Variants in DSC3 observed in about 807,000 individuals in gnomAD.
DSC3 encodes desmocollin 3.
A neutral mutation model predicts 89.5 loss-of-function variants in DSC3; 97 were observed. The observed-to-expected ratio is 1.08, with a 90% CI of 0.92 to 1.28. DSC3 has a LOEUF of 1.28. Ranked by LOEUF, DSC3 falls within the 50% of genes most tolerant of loss-of-function variation. The pLI, the probability that DSC3 is intolerant of heterozygous loss-of-function variation, is 0.00. For missense variants in DSC3, 1,199 were observed against 1,085.3 expected (o/e 1.10, Z -1.47); for synonymous variants, 436 against 384.1 (o/e 1.14, Z -1.58).
At chr18:31,030,335 T>A (rs1302987757) in intron 3 of DSC3, among the ~76,000 whole-genome samples, 1 of 152,204 alleles carries the variant, frequency 6.6e-6, no homozygotes, top group Non-Finnish European at 1.5e-5. Flanking sequence ...TAATTAATAA[T>A]TGCATTAAAC....
chr18:31,003,215 C>T (rs1984725266), intron 13 of DSC3, among the ~76,000 whole-genome samples: 1 of 152,192 alleles, frequency 6.6e-6, no homozygotes, highest in African/African-American at 2.4e-5. Flanking sequence ...TCCTCACCAA[C>T]ACACTCCACA....
chr18:31,024,403 G>T lies in DSC3; in HGVS notation c.721C>A (p.Pro241Thr). The T allele has an allele frequency of 1.2e-6, 2 of 1,609,776 alleles. No individual in the cohort carries two copies. The highest frequency in any genetic ancestry group is 1.7e-6 in the Non-Finnish European group (2 of 1,177,088). ...TTATAAATTGCTTCTGTGAAAACAG[G>T]GTGGTTGTCATTTTCATCCTCTACC... is the stretch of plus-strand genomic sequence containing the variant. ...IRVEDENDNH[P>T]VFTEAIYNFE... Residue 241 changes from proline (P) to threonine (T), a missense_variant, in exon 6 of 16, where the codon CCT (proline) becomes ACT (threonine). Physicochemically the swap from Pro to Thr is conservative, Grantham distance 38. Transcript: ENST00000360428.
chr18:31,002,960 C>T (rs951368570), intron 13 of DSC3, among the ~76,000 whole-genome samples: 3 of 152,110 alleles, frequency 2.0e-5, no homozygotes, highest in Non-Finnish European at 4.4e-5. Context: ...CCCACACTAC[C>T]TTTCTGGCTC....
chr18:31,007,428 T>G (rs1009533982), intron 11 of DSC3, among the ~76,000 whole-genome samples: 1 of 152,158 alleles, frequency 6.6e-6, no homozygotes, highest in Non-Finnish European at 1.5e-5. Context: ...AGGTGCCACA[T>G]GTTAGTAAGC....
rs765715290 is a variant in DSC3, at chr18:31,031,101, C to A, written c.226G>T (p.Asp76Tyr). 11 of 1,613,794 alleles carry A rather than the reference C, an allele frequency of 6.8e-6. No homozygotes were observed. The highest frequency in any genetic ancestry group is 1.6e-4 in the Middle Eastern group (1 of 6,062). The change falls in exon 3 of 16, where the codon GAT becomes TAT. Residue 76 changes from aspartate (D) to tyrosine (Y), a missense_variant. Physicochemically the swap from Asp to Tyr is radical, Grantham distance 160. Coordinates refer to ENST00000360428, the MANE Select transcript of DSC3 (RefSeq NM_001941.5). ...GCCCTGGCTGTGTACACTGACCCAT[C>A]ATTTAGAACTCTGAAATCAGGATCA... ...SSDPDFRVLN[D>Y]GSVYTARAVA...
chr18:30,998,448 T>C (rs902425995), intron 14 of DSC3, among the ~76,000 whole-genome samples: 1 of 152,040 alleles, frequency 6.6e-6, no homozygotes, highest in African/African-American at 2.4e-5. Flanking sequence ...ATTAGAAACA[T>C]GTGGGATGTC....
At position 31,018,258 on chromosome 18, in the gene DSC3, T is replaced by A; in HGVS notation, c.1078-2A>T. On this transcript the variant is annotated splice_acceptor_variant, in intron 8 of 15. Coordinates refer to ENST00000360428, the MANE Select transcript of DSC3 (RefSeq NM_001941.5). LOFTEE classifies it high-confidence loss of function. The stretch of plus-strand genomic sequence containing the variant: ...ATTTTCCTCTACAAATGCTTCATAC[T>A]GAAACAGAAAGAAGTCATTGAAAAT... The A allele has an allele frequency of 3.1e-6, 5 of 1,605,840 alleles. No individual in the cohort carries two copies. The highest frequency in any genetic ancestry group is 4.2e-6 in the Non-Finnish European group (5 of 1,176,746).
intron 7 of DSC3, 148 bp downstream of exon 7, chr18:31,022,188 A>G: frequency 3.0e-6 from 3 of 983,878 alleles, no homozygotes; most frequent in South Asian, 1.8e-5. Flanking sequence ...GAAATAATAT[A>G]AAAAACAGAA....
chr18:31,004,515 T>C, intron 12 of DSC3, 149 bp from the exon 13 acceptor site: 1 of 692,680 alleles, frequency 1.4e-6, no homozygotes, highest in South Asian at 1.9e-5. Context: ...TCTTCAACCC[T>C]TTCAAACTCT....
Position 31,006,936 on chromosome 18 carries a change from C to T in DSC3, c.1859G>A (p.Ser620Asn). The T allele has an allele frequency of 2.5e-6, 4 of 1,613,682 alleles. No homozygotes were observed. Among genetic ancestry groups the T allele is most frequent in the African/African-American group, 1.3e-5 (1 of 75,006 alleles). Residue 620 changes from serine (S) to asparagine (N), a missense_variant, in exon 12 of 16, where the codon AGT becomes AAT. Physicochemically the swap from Ser to Asn is conservative, Grantham distance 46 (BLOSUM62 1). Coordinates refer to ENST00000360428, the MANE Select transcript of DSC3 (RefSeq NM_001941.5). ...AACTTTGGTGAGGCTCCACAGTCTA[C>T]TGATTTCTGGAGAAGTATTGGGCAA... ...FSLPNTSPEI[S>N]RLWSLTKVND...
At chr18:30,999,856 T>G (rs2144677914) in intron 14 of DSC3, among the ~76,000 whole-genome samples, 1 of 152,290 alleles carries the variant, frequency 6.6e-6, no homozygotes, top group South Asian at 2.1e-4. Context: ...TTGTATAAAT[T>G]AATAATTCCA....
chr18:30,997,025 G>T lies in DSC3; in HGVS notation c.2259C>A (p.Thr753=). The T allele has an allele frequency of 6.2e-7, 1 of 1,614,008 alleles. No individual in the cohort carries two copies. Among genetic ancestry groups the T allele is most frequent in the Non-Finnish European group, 8.5e-7 (1 of 1,179,986 alleles). ...DRVCSANGFM[T]QTTNNSSQGF... Reference sequence around the variant, plus strand: ...CTTGGCTAGAGTTGTTGGTAGTTTGGGTCATAAATCCATTGGCAGAGCACT... The same window carrying T: ...CTTGGCTAGAGTTGTTGGTAGTTTGTGTCATAAATCCATTGGCAGAGCACT... Residue 753 remains threonine (T), a synonymous_variant, in exon 15 of 16, where the codon ACC becomes ACA. Transcript: ENST00000360428.
intron 7 of DSC3, among the ~76,000 whole-genome samples, chr18:31,019,034 A>G (rs113168323): frequency 2.0e-5 from 3 of 152,252 alleles, no homozygotes; most frequent in Non-Finnish European, 4.4e-5. Flanking sequence ...GCTTTAAGTA[A>G]CAGGTAATAG....
Position 31,042,719 on chromosome 18 carries a change from C to T in DSC3, c.-59G>A, listed in dbSNP as rs1986178917. On this transcript the variant is annotated 5_prime_UTR_variant, in exon 1 of 16. Coordinates refer to ENST00000360428, the MANE Select transcript of DSC3 (RefSeq NM_001941.5). ...GCCGGGAGGGTGCCGAGAGCGAGAC[C>T]TGCCGAGGTGCAGGGCGCGGGAGGT... The T allele has an allele frequency of 1.3e-6, 2 of 1,485,536 alleles. No homozygotes were observed. Among genetic ancestry groups the T allele is most frequent in the Non-Finnish European group, 1.8e-6 (2 of 1,095,630 alleles). 92.0% of individuals were successfully genotyped at this position (1,485,536 alleles called of 1,614,324 possible). A position where few individuals can be genotyped will look rare whatever the true frequency, so the allele number is the denominator to read the frequency against.
rs1984364131 is a variant in DSC3 at position 30,994,010 on chromosome 18, A to G, written c.*165T>C. ...TGTTTTAACATTTTTCACTTTTTGG[A>G]AAAGATAAGCAACAACTTGCTTTAA... On this transcript the variant is annotated 3_prime_UTR_variant, in exon 16 of 16. Coordinates refer to ENST00000360428, the MANE Select transcript of DSC3 (RefSeq NM_001941.5). 2.9e-6 allele frequency: 2 copies of G among 696,410 alleles called. No individual in the cohort carries two copies. Among genetic ancestry groups the G allele is most frequent in the Non-Finnish European group, 4.7e-6 (2 of 422,160 alleles). The allele number at this position is 696,410 out of a possible 1,614,324, so 43.1% of individuals were successfully genotyped here.
At chr18:31,024,242 G>C in intron 6 of DSC3, 107 bp downstream of exon 6, 1 of 1,067,092 alleles carries the variant, frequency 9.4e-7, no homozygotes, top group Admixed American at 3.1e-5. Flanking sequence ...TTCTAGTTCA[G>C]CGTTATCTCA....
chr18:31,016,511 G>A (rs1422136742), intron 9 of DSC3, among the ~76,000 whole-genome samples: 15 of 152,128 alleles, frequency 9.9e-5, no homozygotes, highest in Admixed American at 9.8e-4. Context: ...GTTCAGCCTT[G>A]GAAACTGTAT....
intron 9 of DSC3, among the ~76,000 whole-genome samples, chr18:31,014,994 T>C (rs1985187791): frequency 6.6e-6 from 1 of 152,134 alleles, no homozygotes; most frequent in South Asian, 2.1e-4. Flanking sequence ...ATAGGGGATA[T>C]GAAAACTATG....
At chr18:31,004,078 C>T in intron 13 of DSC3, 64 bp downstream of exon 13, 1 of 1,297,484 alleles carries the variant, frequency 7.7e-7, no homozygotes, top group Non-Finnish European at 1.1e-6. Context: ...ATTTTTTAAA[C>T]ATCTTTTCCC....
Sources: allele counts gnomAD v4.1 joint callset (sites outside exome capture counted in the v4.1 genomes callset), GRCh38; gene constraint gnomAD v4.1.1; transcripts MANE v1.5; gene names NCBI Gene and HGNC (gene_info 2026-07-23, HGNC 2026-07-21).